The following KLK13 variants were observed in gnomAD, a reference collection of about 807,000 sequenced individuals.
KLK13 encodes kallikrein-13.
Under a neutral mutation model 22.4 loss-of-function variants are expected in KLK13, and 19 were observed. That is an observed-to-expected ratio of 0.85 (90% confidence interval 0.59 to 1.24). The LOEUF (loss-of-function observed/expected upper bound fraction) is 1.24, where lower values mean the gene tolerates loss of function less well. Ranked by LOEUF, KLK13 falls within the 50% of genes most tolerant of loss-of-function variation. The pLI, the probability that KLK13 is intolerant of heterozygous loss-of-function variation, is 0.00. For synonymous variants in KLK13, 156 were observed against 141.8 expected (o/e 1.10, Z -0.71); for missense variants, 311 against 347.9 (o/e 0.89, Z 0.84).
At position 51,060,085 on chromosome 19, in the gene KLK13, T is replaced by C. The variant is rs754250213; in HGVS notation, c.248A>G (p.Lys83Arg). The change falls in exon 3 of 5, where the codon AAA becomes AGA. Residue 83 changes from lysine (K) to arginine (R), a missense_variant. Lys to Arg is a conservative substitution (Grantham distance 26). Transcript: ENST00000595793. Reference protein sequence around the residue: ...TAAHCLKEGLKVYLGKHALGR... With the variant: ...TAAHCLKEGLRVYLGKHALGR... ...TAGGGCGTGCTTGCCTAGGTAAACT[T>C]TGAGCCCCCTGTGGGTGCAGAAAGA... 6.2e-7 allele frequency: 1 copy of C among 1,613,194 alleles called. No individual in the cohort carries two copies. Among genetic ancestry groups the C allele is most frequent in the Non-Finnish European group, 8.5e-7 (1 of 1,179,646 alleles).
Position 51,060,014 on chromosome 19 carries a change from T to A in KLK13, c.319A>T (p.Ile107Phe). ...CTTCTCCGGTATTCAGGGTGGGGGA[T>A]AGAGTGGACAACTTCCCTCACCTGC... The part of the protein sequence containing the change: ...GEQVREVVHS[I>F]PHPEYRRSPT... Residue 107 changes from isoleucine (I) to phenylalanine (F), a missense_variant, in exon 3 of 5, where the codon ATC (isoleucine) becomes TTC (phenylalanine). By Grantham distance (21) the Ile-to-Phe change is conservative. Coordinates refer to ENST00000595793, the MANE Select transcript of KLK13 (RefSeq NM_015596.3). 1 of 1,613,790 alleles carries A rather than the reference T, an allele frequency of 6.2e-7. No individual in the cohort carries two copies. The highest frequency in any genetic ancestry group is 8.5e-7 in the Non-Finnish European group (1 of 1,179,824).
At chr19:51,065,097 C>CGGGGGG, upstream of KLK13, 2 of 347,246 alleles carry the variant, frequency 5.8e-6, no homozygotes, top group Non-Finnish European at 1.1e-5. Context: ...GAGGGCAGGG[C>CGGGGGG]GGGCGGGGCC....
Position 51,058,643 on chromosome 19 carries a change from G to A in KLK13, c.540C>T (p.Asn180=), listed in dbSNP as rs376733885. The A allele has an allele frequency of 8.7e-6, 14 of 1,614,056 alleles. No individual in the cohort carries two copies. The highest frequency in any genetic ancestry group is 1.3e-5 in the African/African-American group (1 of 74,906). The change falls in exon 4 of 5, where the codon AAC becomes AAT. Residue 180 remains asparagine, a synonymous_variant. Coordinates refer to ENST00000595793, the MANE Select transcript of KLK13 (RefSeq NM_015596.3). ...VNYPKTLQCA[N]IQLRSDEECR... is the part of the protein sequence containing the mutation. ...ACTCCTCATCTGAGCGAAGTTGGAT[G>A]TTGGCACATTGTAGAGTTTTGGGGT...
chr19:51,064,819 G>A, intron 1 of KLK13, 197 bp downstream of exon 1: 1 of 611,404 alleles, frequency 1.6e-6, no homozygotes, highest in East Asian at 2.8e-5. Context: ...AGGGTCTGGG[G>A]TCGGAGGGCC....
intron 1 of KLK13, chr19:51,063,769 T>C: frequency 2.2e-6 from 1 of 459,206 alleles, no homozygotes; most frequent in Non-Finnish European, 4.4e-6. Context: ...TTTTCAGGTC[T>C]TGGCTCAAGG....
chr19:51,060,172 TC>T, intron 2 of KLK13, 79 bp from the exon 3 acceptor site: 1 of 1,537,318 alleles, frequency 6.5e-7, no homozygotes. Context: ...CCTCTTCCCA[TC>T]CCCAACCTAA....
chr19:51,065,101 CG>C, upstream of KLK13: 1 of 431,734 alleles, frequency 2.3e-6, no homozygotes, highest in Non-Finnish European at 4.4e-6. Flanking sequence ...GCAGGGCGGG[CG>C]GGGCCTGAGG....
chr19:51,057,672 T>A (rs1169048153), intron 4 of KLK13, among the ~76,000 whole-genome samples: 1 of 152,176 alleles, frequency 6.6e-6, no homozygotes, highest in African/African-American at 2.4e-5. Flanking sequence ...AGACAGAGTC[T>A]CACTATGTTG....
Position 51,065,006 on chromosome 19 carries a change from G to A in KLK13, c.52+10C>T. On this transcript the variant is annotated intron_variant, in intron 1 of 4. Coordinates refer to ENST00000595793, the MANE Select transcript of KLK13 (RefSeq NM_015596.3). ...ATGGCCGCCGCGCCTCCACCCCCGCGCATTCTTACCTCCTGACAAGGCCAA... is the reference window on the plus strand; with the variant it reads ...ATGGCCGCCGCGCCTCCACCCCCGCACATTCTTACCTCCTGACAAGGCCAA... 1 of 1,492,318 alleles carries A rather than the reference G, an allele frequency of 6.7e-7. No homozygotes were observed. Among genetic ancestry groups the A allele is most frequent in the Non-Finnish European group, 9.0e-7 (1 of 1,111,618 alleles). The allele number at this position is 1,492,318 out of a possible 1,614,324, so 92.4% of individuals were successfully genotyped here. A position where few individuals can be genotyped will look rare whatever the true frequency, so the allele number is the denominator to read the frequency against.
At chr19:51,063,620 C>T (rs945734011) in intron 1 of KLK13, 5 of 456,362 alleles carry the variant, frequency 1.1e-5, no homozygotes, top group Admixed American at 4.7e-5. Flanking sequence ...CAAGGCGTAG[C>T]GTGTGGGTCT....
rs538420150 is a variant in KLK13 at position 51,056,310 on chromosome 19, T to C, written c.*277A>G. The C allele has an allele frequency of 6.9e-5, 29 of 419,928 alleles. No homozygotes were observed. The highest frequency in any genetic ancestry group is 6.1e-4 in the East Asian group (14 of 22,804). 26.0% of individuals were successfully genotyped at this position (419,928 alleles called of 1,614,324 possible). A position where few individuals can be genotyped will look rare whatever the true frequency, so the allele number is the denominator to read the frequency against. The stretch of plus-strand genomic sequence containing the variant: ...ACGTTCAGGTGGTGATCTGGGCTCA[T>C]AGAAGCCACACTGATGAAGTTGAGA... On this transcript the variant is annotated 3_prime_UTR_variant, in exon 5 of 5. Coordinates refer to ENST00000595793, the MANE Select transcript of KLK13 (RefSeq NM_015596.3).
intron 1 of KLK13, chr19:51,063,728 GCCA>G: frequency 2.2e-6 from 1 of 456,794 alleles, no homozygotes. Flanking sequence ...CAAGGATGGT[GCCA>G]GGTGCCAGGC....
At position 51,056,649 on chromosome 19, in the gene KLK13, T is replaced by G; in HGVS notation, c.772A>C (p.Ile258Leu). ...TCATATTTTCGGATTGTTTCACGGATCCACAGGACGTATCTTGAGACACGG... is the reference window on the plus strand; with the variant it reads ...TCATATTTTCGGATTGTTTCACGGAGCCACAGGACGTATCTTGAGACACGG... ...YTRVSRYVLW[I>L]RETIRKYETQ... Residue 258 changes from isoleucine (I) to leucine (L), a missense_variant, in exon 5 of 5, where the codon ATC (isoleucine) becomes CTC (leucine). By Grantham distance (5) the Ile-to-Leu change is conservative (BLOSUM62 2). Coordinates refer to ENST00000595793, the MANE Select transcript of KLK13 (RefSeq NM_015596.3). The G allele has an allele frequency of 1.9e-6, 3 of 1,614,122 alleles. No homozygotes were observed. The highest frequency in any genetic ancestry group is 2.5e-6 in the Non-Finnish European group (3 of 1,180,012).
At chr19:51,065,374 A>G (rs569710819), upstream of KLK13, among the ~76,000 whole-genome samples, 12 of 150,474 alleles carry the variant, frequency 8.0e-5, no homozygotes, top group Admixed American at 3.3e-4. Flanking sequence ...TGGTCGGTGC[A>G]CTCTCGCCCT....
chr19:51,061,687 CT>C (rs1244766915), intron 1 of KLK13, among the ~76,000 whole-genome samples: 8 of 152,380 alleles, frequency 5.3e-5, no homozygotes, highest in Middle Eastern at 3.4e-3. Flanking sequence ...AATCCTTCCA[CT>C]TTTACATCCC....
rs772317274 is a variant in KLK13 at position 51,059,884 on chromosome 19, C to T, written c.449G>A (p.Arg150His). The T allele has an allele frequency of 1.3e-5, 21 of 1,603,358 alleles. No individual in the cohort carries two copies. The highest frequency in any genetic ancestry group is 8.0e-5 in the African/African-American group (6 of 74,674). ...IQTLPLSHNNRLTPGTTCRVS... is the reference protein window; with the variant it reads ...IQTLPLSHNNHLTPGTTCRVS... ...CCGACAGGTGGTGCCAGGGGTTAGG[C>T]GGTTGTTGTGGGAAAGGGGCAGGGT... Residue 150 changes from arginine to histidine, a missense_variant, in exon 3 of 5, where the codon CGC (arginine) becomes CAC (histidine). By Grantham distance (29) the Arg-to-His change is conservative. Coordinates refer to ENST00000595793, the MANE Select transcript of KLK13 (RefSeq NM_015596.3).
In KLK13 at chr19:51,056,813, T is replaced by G. The variant is rs368217626; in HGVS notation, c.646-38A>C. The G allele has an allele frequency of 2.0e-5, 30 of 1,532,390 alleles. No homozygotes were observed. The African/African-American group carries it at 3.0e-4, about 15-fold the overall frequency. The allele number at this position is 1,532,390 out of a possible 1,614,324, so 94.9% of individuals were successfully genotyped here. A position where few individuals can be genotyped will look rare whatever the true frequency, so the allele number is the denominator to read the frequency against. On this transcript the variant is annotated intron_variant, in intron 4 of 4. Coordinates refer to ENST00000595793, the MANE Select transcript of KLK13 (RefSeq NM_015596.3). ...AAGAAAGAGAGAGAGAGGTGGGTCC[T>G]TGCTGGGGCTAAACAAGGCAGGGAC...
chr19:51,064,617 T>C (rs2091761705), intron 1 of KLK13: 1 of 533,054 alleles, frequency 1.9e-6, no homozygotes, highest in Middle Eastern at 3.0e-4. Context: ...ATATTCACAG[T>C]GACCTTCTCT....
At chr19:51,065,467 G>A (rs752613516), upstream of KLK13, among the ~76,000 whole-genome samples, 6 of 151,978 alleles carry the variant, frequency 3.9e-5, no homozygotes, top group Non-Finnish European at 8.8e-5. Context: ...ATCTGTCCGC[G>A]CCCTTCGCCT....
Sources: allele counts gnomAD v4.1 joint callset (sites outside exome capture counted in the v4.1 genomes callset), GRCh38; gene constraint gnomAD v4.1.1; transcripts MANE v1.5; gene names NCBI Gene and HGNC (gene_info 2026-07-23, HGNC 2026-07-21).